Variants in PLA2G6 observed in about 807,000 individuals in gnomAD.
The protein encoded by PLA2G6 is 85/88 kDa calcium-independent phospholipase A2.
In PLA2G6, 62 loss-of-function variants were observed where a neutral mutation model predicts 83.8. The observed-to-expected ratio is 0.74, with a 90% CI of 0.60 to 0.91. The LOEUF is 0.91. Among genes scored for constraint, PLA2G6 ranks in the 40% least tolerant of loss-of-function variants. The pLI is 0.00. For synonymous variants in PLA2G6, 417 were observed against 449.8 expected, an observed-to-expected ratio of 0.93 and a Z score of 0.92; for missense variants, 944 against 1,102.0, an observed-to-expected ratio of 0.86 and a Z score of 2.03.
chr22:38,111,773 G>C lies in PLA2G6; in HGVS notation c.*388C>G. On this transcript the variant is annotated 3_prime_UTR_variant, in exon 17 of 17. Coordinates refer to ENST00000332509, the MANE Select transcript of PLA2G6 (RefSeq NM_003560.4). ...GTGGGCTGCACCCACCAGGAAGCCTGGGAGTGCCCTTGCTGGGGGCTGGGG... is the reference window on the plus strand; with the variant it reads ...GTGGGCTGCACCCACCAGGAAGCCTCGGAGTGCCCTTGCTGGGGGCTGGGG... 1 of 350,472 alleles carries C rather than the reference G, an allele frequency of 2.9e-6. No homozygotes were observed. The highest frequency in any genetic ancestry group is 2.3e-5 in the South Asian group (1 of 43,646). The allele number at this position is 350,472 out of a possible 1,614,324, so 21.7% of individuals were successfully genotyped here. A position where few individuals can be genotyped will look rare whatever the true frequency, so the allele number is the denominator to read the frequency against.
At chr22:38,133,972 A>G (rs1386774207) in intron 6 of PLA2G6, 1 of 152,248 alleles carries the variant, frequency 6.6e-6, no homozygotes, top group Non-Finnish European at 1.5e-5. Flanking sequence ...GGGTGCTGCT[A>G]ACGGAGATTA....
chr22:38,170,417 C>T (rs972777065), intron 1 of PLA2G6, among the ~76,000 whole-genome samples: 9 of 151,854 alleles, frequency 5.9e-5, no homozygotes, highest in Non-Finnish European at 1.0e-4. Context: ...TGGAAATGAA[C>T]GAACTGCACC....
intron 9 of PLA2G6, chr22:38,127,544 G>C (rs561604877): frequency 3.4e-6 from 3 of 878,506 alleles, no homozygotes; most frequent in Non-Finnish European, 3.3e-6. Context: ...AGAAGCCACA[G>C]TCACGGTGCC....
At chr22:38,134,855 C>T in intron 6 of PLA2G6, 133 bp downstream of exon 6, 1 of 645,210 alleles carries the variant, frequency 1.5e-6, no homozygotes, top group Non-Finnish European at 2.8e-6. Flanking sequence ...GACTTCTCTG[C>T]CTGCACACCC....
chr22:38,162,735 G>A (rs2090068073), intron 2 of PLA2G6, among the ~76,000 whole-genome samples: 1 of 152,162 alleles, frequency 6.6e-6, no homozygotes, highest in Non-Finnish European at 1.5e-5. Context: ...AAGTGGTATT[G>A]TAGGGTGACA....
chr22:38,120,918 A>G lies in PLA2G6; in HGVS notation c.1592-9T>C, dbSNP rs771719117. On this transcript the variant is annotated splice_polypyrimidine_tract_variant and intron_variant, in intron 11 of 16. Coordinates refer to ENST00000332509, the MANE Select transcript of PLA2G6 (RefSeq NM_003560.4). The stretch of plus-strand genomic sequence containing the variant: ...GTAGGCCATGGACTTACCTAGGAAC[A>G]AAGGGGTCAGAGGCGGGGAGATGCA... 3 of 1,613,238 alleles carry G rather than the reference A, an allele frequency of 1.9e-6. No homozygotes were observed. In the South Asian group the frequency reaches 3.3e-5, roughly 18 times the overall value.
chr22:38,128,485 T>G lies in PLA2G6; in HGVS notation c.1187-55A>C. On this transcript the variant is annotated intron_variant, in intron 8 of 16. Coordinates refer to ENST00000332509, the MANE Select transcript of PLA2G6 (RefSeq NM_003560.4). The surrounding 1 kb of genome is among the most constrained non-coding windows in gnomAD (Gnocchi z 4.4). ...CACAGGATCAGAAATGATGTCAACA[T>G]GCAAAGGAGAGGCCCCTCCTTTCCA... 6.3e-7 allele frequency: 1 copy of G among 1,587,624 alleles called. No homozygotes were observed. Among genetic ancestry groups the G allele is most frequent in the African/African-American group, 1.3e-5 (1 of 74,416 alleles).
intron 2 of PLA2G6, among the ~76,000 whole-genome samples, chr22:38,166,011 G>T (rs2090198937): frequency 6.6e-6 from 1 of 152,210 alleles, no homozygotes; most frequent in South Asian, 2.1e-4. Flanking sequence ...TGAGAGGAGT[G>T]CAGGCCACAG....
intron 2 of PLA2G6, among the ~76,000 whole-genome samples, chr22:38,154,555 G>A (rs973115169): frequency 2.0e-5 from 3 of 152,246 alleles, no homozygotes; most frequent in African/African-American, 7.2e-5. Context: ...GGCTTGGGGT[G>A]CCCCCTAATG....
At chr22:38,116,871 A>AAAC (rs1243906947) in intron 12 of PLA2G6, among the ~76,000 whole-genome samples, 1 of 151,216 alleles carries the variant, frequency 6.6e-6, no homozygotes, top group East Asian at 1.9e-4. Context: ...AAAAAAAAAA[A>AAAC]AAAAACAGAA....
At chr22:38,175,048 A>G (rs1448684625) in intron 1 of PLA2G6, among the ~76,000 whole-genome samples, 1 of 152,190 alleles carries the variant, frequency 6.6e-6, no homozygotes, top group Non-Finnish European at 1.5e-5. Context: ...GGCAGGTCTC[A>G]GGCACGGGAG....
intron 4 of PLA2G6, 85 bp from the exon 5 acceptor site, chr22:38,140,254 TC>T (rs2088821848): frequency 2.8e-5 from 37 of 1,323,270 alleles, no homozygotes; most frequent in Non-Finnish European, 4.0e-5. Flanking sequence ...ATGCCTGTAA[TC>T]CTAGCACTTT....
At chr22:38,175,124 C>A (rs1261173871) in intron 1 of PLA2G6, among the ~76,000 whole-genome samples, 2 of 152,172 alleles carry the variant, frequency 1.3e-5, no homozygotes, top group Non-Finnish European at 2.9e-5. Context: ...GTCCCCTCTC[C>A]TCCCCTTTGG....
chr22:38,128,350 C>T lies in PLA2G6; in HGVS notation c.1267G>A (p.Ala423Thr), dbSNP rs746217497. 2.7e-5 allele frequency: 44 copies of T among 1,613,708 alleles called. No individual in the cohort carries two copies. The highest frequency in any genetic ancestry group is 1.5e-4 in the Admixed American group (9 of 60,020). Reference protein sequence around the residue: ...YCFPPIHGVPAEQGSAAPHHP... With the variant: ...YCFPPIHGVPTEQGSAAPHHP... ...TGTGGCGCTGCAGAGCCCTGCTCCGCGGGGACCCCGTGGATGGGTGGGAAG... is the reference window on the plus strand; with the variant it reads ...TGTGGCGCTGCAGAGCCCTGCTCCGTGGGGACCCCGTGGATGGGTGGGAAG... Residue 423 changes from alanine (A) to threonine (T), a missense_variant, in exon 9 of 17, where the codon GCG (alanine) becomes ACG (threonine). Physicochemically the swap from Ala to Thr is moderately conservative, Grantham distance 58 (BLOSUM62 0). Transcript: ENST00000332509. The surrounding 1 kb of genome is among the most constrained non-coding windows in gnomAD (Gnocchi z 4.4).
chr22:38,171,704 C>A (rs1286814200), intron 1 of PLA2G6, among the ~76,000 whole-genome samples: 1 of 151,708 alleles, frequency 6.6e-6, no homozygotes, highest in Non-Finnish European at 1.5e-5. Context: ...ACCTATAATC[C>A]CAGCTACTTG....
At chr22:38,131,123 G>A (rs1415404672) in intron 7 of PLA2G6, 2 of 152,244 alleles carry the variant, frequency 1.3e-5, no homozygotes, top group Non-Finnish European at 2.9e-5. Flanking sequence ...TCTATCAGCA[G>A]TTCTTAAAGT....
intron 9 of PLA2G6, chr22:38,127,422 C>T (rs769913497): frequency 4.7e-5 from 63 of 1,328,574 alleles, no homozygotes; most frequent in Non-Finnish European, 6.0e-5. Context: ...TGACGCCGCA[C>T]CCCAGGCCCA....
Position 38,128,531 on chromosome 22 carries a change from C to G in PLA2G6, c.1187-101G>C. The G allele has an allele frequency of 7.6e-7, 1 of 1,324,166 alleles. No individual in the cohort carries two copies. Among genetic ancestry groups the G allele is most frequent in the Non-Finnish European group, 1.1e-6 (1 of 947,012 alleles). The allele number at this position is 1,324,166 out of a possible 1,614,324, so 82.0% of individuals were successfully genotyped here. ...TTCCACACTCCGTCCCCTGTCCCAG[C>G]TCCCAGGCCCTGGGCACGTGGGCTG... On this transcript the variant is annotated intron_variant, in intron 8 of 16. Coordinates refer to ENST00000332509, the MANE Select transcript of PLA2G6 (RefSeq NM_003560.4). The surrounding 1 kb of genome is among the most constrained non-coding windows in gnomAD (Gnocchi z 4.4).
chr22:38,122,419 G>C (rs1280328098), intron 11 of PLA2G6, among the ~76,000 whole-genome samples: 1 of 152,090 alleles, frequency 6.6e-6, no homozygotes, highest in Non-Finnish European at 1.5e-5. Context: ...AGCTCAGACA[G>C]CTCCACAGAG....
Sources: allele counts gnomAD v4.1 joint callset (sites outside exome capture counted in the v4.1 genomes callset), GRCh38; gene constraint gnomAD v4.1.1; non-coding constraint Gnocchi (gnomAD v3.1); transcripts MANE v1.5; gene names NCBI Gene and HGNC (gene_info 2026-07-23, HGNC 2026-07-21).